CEP112: variants seen among roughly 807,000 people sequenced by gnomAD.
The protein encoded by CEP112 is centrosomal protein of 112 kDa.
Under a neutral mutation model 153.0 loss-of-function variants are expected in CEP112, and 127 were observed. That is an observed-to-expected ratio of 0.83 (90% CI 0.72 to 0.96). CEP112 has a LOEUF of 0.96. Ranked by LOEUF, CEP112 falls within the 40% of genes least tolerant of loss-of-function variation. CEP112 has a pLI of 0.00. For synonymous variants in CEP112, 358 were observed against 374.4 expected, an observed-to-expected ratio of 0.96 and a Z score of 0.51; for missense variants, 1,089 against 1,101.2, an observed-to-expected ratio of 0.99 and a Z score of 0.16.
intron 6 of CEP112, among the ~76,000 whole-genome samples, chr17:66,111,258 G>A (rs2069029232): frequency 1.3e-5 from 2 of 152,150 alleles, no homozygotes; most frequent in African/African-American, 4.8e-5. Context: ...GCTGTTGATA[G>A]GAATGCAAAT....
intron 24 of CEP112, among the ~76,000 whole-genome samples, chr17:65,683,790 T>C (rs916418724): frequency 2.0e-5 from 3 of 152,188 alleles, no homozygotes; most frequent in Admixed American, 6.5e-5. Context: ...AGGCCTGTAA[T>C]ACCAGCACTT....
intron 16 of CEP112, among the ~76,000 whole-genome samples, chr17:66,026,023 A>T (rs1216666954): frequency 6.6e-6 from 1 of 151,898 alleles, no homozygotes; most frequent in East Asian, 1.9e-4. Context: ...AACAACTCAG[A>T]AAGGGAAAGT....
chr17:65,660,740 G>T (rs1223294930), intron 24 of CEP112, among the ~76,000 whole-genome samples: 8 of 151,800 alleles, frequency 5.3e-5, no homozygotes, highest in African/African-American at 1.9e-4. Context: ...TAGAAACAAG[G>T]TTTTTGCCAT....
At chr17:66,051,965 T>C (rs913348976) in intron 12 of CEP112, among the ~76,000 whole-genome samples, 4 of 152,244 alleles carry the variant, frequency 2.6e-5, no homozygotes, top group South Asian at 2.1e-4. Context: ...GCCTGGCCTA[T>C]CTTAGATGTG....
At chr17:66,104,444 G>A (rs972879074) in intron 6 of CEP112, among the ~76,000 whole-genome samples, 39 of 152,230 alleles carry the variant, frequency 2.6e-4, no homozygotes, top group African/African-American at 9.1e-4. Context: ...TGACTAAAGA[G>A]CCCTTGGTCT....
At chr17:66,094,294 A>C (rs2068253320) in intron 8 of CEP112, among the ~76,000 whole-genome samples, 1 of 152,016 alleles carries the variant, frequency 6.6e-6, no homozygotes, top group Non-Finnish European at 1.5e-5. Flanking sequence ...TCCTAATCTC[A>C]AGTGATCCGC....
chr17:65,905,579 A>G (rs896023858), intron 19 of CEP112, among the ~76,000 whole-genome samples: 12 of 152,204 alleles, frequency 7.9e-5, no homozygotes, highest in African/African-American at 2.7e-4. Flanking sequence ...ATACCATTTG[A>G]CCCACAATCC....
chr17:66,013,436 G>C (rs1472504820), intron 16 of CEP112, among the ~76,000 whole-genome samples: 2 of 152,070 alleles, frequency 1.3e-5, no homozygotes, highest in East Asian at 3.9e-4. Flanking sequence ...GATGTCCTTG[G>C]GGGTTTGTGG....
At position 66,030,021 on chromosome 17, in the gene CEP112, G is replaced by T; in HGVS notation, c.1221C>A (p.Asn407Lys). 1 of 1,612,498 alleles carries T rather than the reference G, an allele frequency of 6.2e-7. No homozygotes were observed. Among genetic ancestry groups the T allele is most frequent in the Non-Finnish European group, 8.5e-7 (1 of 1,179,388 alleles). The change falls in exon 13 of 27, where the codon AAC becomes AAA. Residue 407 changes from asparagine (N) to lysine (K), a missense_variant and splice_region_variant. Physicochemically the swap from Asn to Lys is moderately conservative, Grantham distance 94. Coordinates refer to ENST00000535342, the MANE Select transcript of CEP112 (RefSeq NM_001199165.4). ...SEYMAQTQST[N>K]HMIKELEARV... ...GGGCCTCCAGTTCTTTGATCATGTG[G>T]TTCTAAAAGAACAGGTCATGGTTAA...
At chr17:65,749,075 A>G (rs1293337925) in intron 22 of CEP112, among the ~76,000 whole-genome samples, 1 of 152,204 alleles carries the variant, frequency 6.6e-6, no homozygotes. Flanking sequence ...TTAAAAGGAT[A>G]TTTCTCCATG....
intron 17 of CEP112, among the ~76,000 whole-genome samples, chr17:65,999,681 G>A (rs2063939444): frequency 6.6e-6 from 1 of 151,828 alleles, no homozygotes; most frequent in African/African-American, 2.4e-5. Flanking sequence ...ATTAAGCCTA[G>A]TACCCGTTAG....
intron 8 of CEP112, among the ~76,000 whole-genome samples, chr17:66,094,213 C>T (rs541271929): frequency 1.3e-5 from 2 of 152,166 alleles, no homozygotes; most frequent in East Asian, 3.9e-4. Context: ...GCATGCCCTA[C>T]CACACCCGGC....
At chr17:65,746,192 A>G (rs1204359989) in intron 22 of CEP112, among the ~76,000 whole-genome samples, 1 of 150,464 alleles carries the variant, frequency 6.6e-6, no homozygotes, top group Admixed American at 6.6e-5. Flanking sequence ...AAAAAAAGAA[A>G]AGAAAAGAAA....
chr17:65,660,754 G>A (rs1462847080), intron 24 of CEP112, among the ~76,000 whole-genome samples: 2 of 151,634 alleles, frequency 1.3e-5, no homozygotes, highest in Non-Finnish European at 1.5e-5. Flanking sequence ...TTGCCATGTT[G>A]CCCAGCCCAG....
chr17:66,116,307 C>T (rs1015374258), intron 6 of CEP112, among the ~76,000 whole-genome samples: 1 of 152,214 alleles, frequency 6.6e-6, no homozygotes, highest in African/African-American at 2.4e-5. Flanking sequence ...ATTGAAGACA[C>T]CATAAAGTTT....
At chr17:65,956,513 T>C (rs1419340217) in intron 18 of CEP112, among the ~76,000 whole-genome samples, 1 of 152,014 alleles carries the variant, frequency 6.6e-6, no homozygotes, top group African/African-American at 2.4e-5. Context: ...GAGACCATTA[T>C]TCTAAATCAA....
intron 24 of CEP112, among the ~76,000 whole-genome samples, chr17:65,684,160 T>C (rs1342627212): frequency 6.6e-6 from 1 of 152,220 alleles, no homozygotes; most frequent in Non-Finnish European, 1.5e-5. Context: ...AATCTATAAC[T>C]TATTCATCTT....
rs60964018 is a variant in CEP112 at position 66,067,016 on chromosome 17, A to AAC, written c.856-141_856-140dup. ...AATATGACTACACTGTGAAATTATA[A>AAC]ACACACACACACACACACACACACA... On this transcript the variant is annotated intron_variant, in intron 9 of 26. Transcript: ENST00000535342. The AAC allele has an allele frequency of 1.8e-3, 464 of 264,950 alleles. 2 individuals are homozygous for AAC. The highest frequency in any genetic ancestry group is 6.3e-3 in the East Asian group (94 of 14,854). 16.4% of individuals were successfully genotyped at this position (264,950 alleles called of 1,614,324 possible). A position where few individuals can be genotyped will look rare whatever the true frequency, so the allele number is the denominator to read the frequency against.
chr17:65,762,916 T>C lies in CEP112; in HGVS notation c.2395-12192A>G, dbSNP rs1438816683. Among the ~76,000 whole-genome samples the C allele has an allele frequency of 3.3e-5, 5 of 152,094 alleles. No homozygotes were observed. In the South Asian group the frequency reaches 1.0e-3, roughly 31 times the overall value. ...CACTTATTCATTCTCTGATGCTCTA[T>C]GTAGATCAAAGTTTCTTACCTATAT... is the stretch of plus-strand genomic sequence containing the variant. On this transcript the variant is annotated intron_variant, in intron 21 of 26. Coordinates refer to ENST00000535342, the MANE Select transcript of CEP112 (RefSeq NM_001199165.4).
Sources: allele counts gnomAD v4.1 joint callset (sites outside exome capture counted in the v4.1 genomes callset), GRCh38; gene constraint gnomAD v4.1.1; transcripts MANE v1.5; gene names NCBI Gene and HGNC (gene_info 2026-07-23, HGNC 2026-07-21).